The following TBC1D32 variants were observed in gnomAD, a reference collection of about 807,000 sequenced individuals.
TBC1D32 encodes the protein protein broad-minded.
In TBC1D32, 151 loss-of-function variants were observed where a neutral mutation model predicts 170.3. The observed-to-expected ratio is 0.89, with a 90% CI of 0.78 to 1.01. The LOEUF is 1.01. Among genes scored for constraint, TBC1D32 ranks in the 50% least tolerant of loss-of-function variants. The probability of loss-of-function intolerance (pLI) is 0.00; values close to 1 mark genes in which losing one functional copy is unlikely to be tolerated. For synonymous variants in TBC1D32, 498 were observed against 488.0 expected (o/e 1.02, Z -0.27); for missense variants, 1,464 against 1,457.1 (o/e 1.00, Z -0.08).
intron 15 of TBC1D32, among the ~76,000 whole-genome samples, chr6:121,275,829 A>T (rs577119884): frequency 8.6e-4 from 131 of 152,256 alleles, no homozygotes; most frequent in African/African-American, 3.1e-3. Flanking sequence ...TTTTCTTATT[A>T]ATTAATCTAA....
chr6:121,198,670 G>A (rs1791144706), intron 22 of TBC1D32, among the ~76,000 whole-genome samples: 1 of 151,062 alleles, frequency 6.6e-6, no homozygotes, highest in South Asian at 2.1e-4. Flanking sequence ...AGAATGGCAT[G>A]AACCCGGGAG....
At chr6:121,221,639 T>G (rs942983317) in intron 21 of TBC1D32, among the ~76,000 whole-genome samples, 3 of 152,276 alleles carry the variant, frequency 2.0e-5, no homozygotes. Flanking sequence ...AGTTCAGTAC[T>G]TCAGTAGAAC....
chr6:121,254,424 AATT>A (rs1409514868), intron 17 of TBC1D32, among the ~76,000 whole-genome samples: 6 of 148,304 alleles, frequency 4.0e-5, no homozygotes, highest in Non-Finnish European at 7.7e-5. Flanking sequence ...TAAAAATGAA[AATT>A]AATTATTAAA....
chr6:121,262,508 GCT>G (rs1799893795), intron 15 of TBC1D32, among the ~76,000 whole-genome samples: 4 of 149,008 alleles, frequency 2.7e-5, no homozygotes, highest in Admixed American at 2.7e-4. Context: ...ACAGAGTCTC[GCT>G]CTGTCACCCA....
At chr6:121,308,825 C>T (rs1434936965) in intron 4 of TBC1D32, among the ~76,000 whole-genome samples, 3 of 151,948 alleles carry the variant, frequency 2.0e-5, no homozygotes, top group African/African-American at 7.3e-5. Context: ...AGAATTCACT[C>T]AAAACAGTAT....
At chr6:121,328,460 T>C (rs1810768910) in intron 1 of TBC1D32, among the ~76,000 whole-genome samples, 1 of 151,684 alleles carries the variant, frequency 6.6e-6, no homozygotes, top group Non-Finnish European at 1.5e-5. Context: ...TAATTTTTTT[T>C]TTTTTAGTAG....
intron 15 of TBC1D32, among the ~76,000 whole-genome samples, chr6:121,273,027 C>T (rs575023798): frequency 3.3e-5 from 5 of 152,144 alleles, no homozygotes; most frequent in Admixed American, 6.5e-5. Flanking sequence ...CCAAACACTG[C>T]ATGTTCTCAC....
intron 24 of TBC1D32, among the ~76,000 whole-genome samples, chr6:121,135,858 G>C (rs1158589138): frequency 6.6e-6 from 1 of 152,064 alleles, no homozygotes; most frequent in Admixed American, 6.6e-5. Context: ...GGTAAAATTA[G>C]TCTTAAAGTA....
intron 22 of TBC1D32, among the ~76,000 whole-genome samples, chr6:121,194,680 C>T (rs943539614): frequency 2.0e-5 from 3 of 152,240 alleles, no homozygotes; most frequent in South Asian, 2.1e-4. Context: ...ATAAGGCCCA[C>T]CAGAAGCAAT....
chr6:121,299,528 T>C, intron 9 of TBC1D32, 23 bp from the exon 10 acceptor site: 1 of 1,495,366 alleles, frequency 6.7e-7, no homozygotes, highest in Non-Finnish European at 9.1e-7. Context: ...GGAAATGATA[T>C]TTAATACTCA....
chr6:121,099,642 T>C (rs1243317047), intron 30 of TBC1D32, among the ~76,000 whole-genome samples: 1 of 151,894 alleles, frequency 6.6e-6, no homozygotes, highest in Non-Finnish European at 1.5e-5. Context: ...TAATCACATA[T>C]ACCCACTTAG....
intron 24 of TBC1D32, among the ~76,000 whole-genome samples, chr6:121,137,556 C>T (rs1273913384): frequency 1.3e-5 from 2 of 151,012 alleles, no homozygotes; most frequent in East Asian, 3.9e-4. Flanking sequence ...AAGAACACAT[C>T]AAGTTTCATG....
intron 15 of TBC1D32, among the ~76,000 whole-genome samples, chr6:121,276,135 A>AG (rs1802180996): frequency 6.7e-6 from 1 of 148,382 alleles, no homozygotes; most frequent in Non-Finnish European, 1.5e-5. Flanking sequence ...AAAAAAAAAA[A>AG]CAAACGACAA....
chr6:121,230,650 T>TAA (rs1370082058), intron 20 of TBC1D32, among the ~76,000 whole-genome samples: 1 of 150,492 alleles, frequency 6.6e-6, no homozygotes, highest in African/African-American at 2.4e-5. Flanking sequence ...ATCTGATATA[T>TAA]ATATATACAT....
chr6:121,207,288 CTG>C (rs1792403183), intron 21 of TBC1D32, among the ~76,000 whole-genome samples: 1 of 152,166 alleles, frequency 6.6e-6, no homozygotes, highest in African/African-American at 2.4e-5. Flanking sequence ...GTATAGGTGA[CTG>C]AAATTTGCAG....
At chr6:121,229,079 AT>A (rs1795400948) in intron 20 of TBC1D32, among the ~76,000 whole-genome samples, 1 of 151,844 alleles carries the variant, frequency 6.6e-6, no homozygotes, top group East Asian at 1.9e-4. Context: ...CTTTGTACAT[AT>A]TTTTTCCATC....
intron 17 of TBC1D32, among the ~76,000 whole-genome samples, chr6:121,253,310 A>G (rs1798534849): frequency 6.6e-6 from 1 of 152,210 alleles, no homozygotes; most frequent in South Asian, 2.1e-4. Context: ...ATGAAGAAAC[A>G]ATTCTCAAAA....
intron 22 of TBC1D32, among the ~76,000 whole-genome samples, chr6:121,178,319 T>C (rs947799808): frequency 2.0e-5 from 3 of 152,008 alleles, no homozygotes; most frequent in African/African-American, 7.3e-5. Flanking sequence ...TTTGTTATGG[T>C]GACATGAGAA....
At chr6:121,181,173 G>A (rs1235271172) in intron 22 of TBC1D32, among the ~76,000 whole-genome samples, 1 of 152,030 alleles carries the variant, frequency 6.6e-6, no homozygotes, top group Non-Finnish European at 1.5e-5. Context: ...TTAGGGAAAA[G>A]AGTATGGAGG....
Sources: allele counts gnomAD v4.1 joint callset (sites outside exome capture counted in the v4.1 genomes callset), GRCh38; gene constraint gnomAD v4.1.1; transcripts MANE v1.5; gene names NCBI Gene and HGNC (gene_info 2026-07-23, HGNC 2026-07-21).